FOXP1: variants seen among roughly 807,000 people sequenced by gnomAD.
FOXP1 encodes forkhead box protein P1.
A neutral mutation model predicts 98.2 loss-of-function variants in FOXP1; 15 were observed. The observed-to-expected ratio is 0.15, with a 90% CI of 0.10 to 0.24. The LOEUF (loss-of-function observed/expected upper bound fraction) is 0.24. Ranked by LOEUF, FOXP1 falls within the 10% of genes least tolerant of loss-of-function variation. The pLI, the probability that FOXP1 is intolerant of heterozygous loss-of-function variation, is 1.00. For missense variants in FOXP1, 633 were observed against 848.5 expected (o/e 0.75, Z 3.15); for synonymous variants, 371 against 314.5 (o/e 1.18, Z -1.90).
chr3:71,186,667 G>A (rs1376265080), intron 6 of FOXP1, among the ~76,000 whole-genome samples: 1 of 151,936 alleles, frequency 6.6e-6, no homozygotes, highest in African/African-American at 2.4e-5. Context: ...GCTGAGACAG[G>A]GCCACTGTAC....
At chr3:71,518,886 C>T (rs2042770401) in intron 2 of FOXP1, among the ~76,000 whole-genome samples, 1 of 152,202 alleles carries the variant, frequency 6.6e-6, no homozygotes, top group Admixed American at 6.5e-5. Flanking sequence ...CATCAGAGGA[C>T]ACAATGAGGA....
At chr3:70,979,709 T>TAATC (rs1290529430) in intron 14 of FOXP1, among the ~76,000 whole-genome samples, 2 of 148,886 alleles carry the variant, frequency 1.3e-5, no homozygotes, top group African/African-American at 5.0e-5. Context: ...TCTGAGATCA[T>TAATC]AATCAAAGAA....
intron 7 of FOXP1, among the ~76,000 whole-genome samples, chr3:71,060,460 T>C (rs1264619049): frequency 6.6e-6 from 1 of 152,088 alleles, no homozygotes; most frequent in Non-Finnish European, 1.5e-5. Context: ...GGTCAAAATA[T>C]GTTCAAAAAT....
intron 4 of FOXP1, among the ~76,000 whole-genome samples, chr3:71,348,069 AAC>A (rs2077485665): frequency 6.6e-6 from 1 of 152,178 alleles, no homozygotes; most frequent in Admixed American, 6.5e-5. Context: ...GATAACAAAT[AAC>A]ATAGGACAAT....
intron 2 of FOXP1, among the ~76,000 whole-genome samples, chr3:71,556,222 G>A (rs181219794): frequency 1.4e-4 from 21 of 152,208 alleles, no homozygotes; most frequent in Admixed American, 1.4e-3. Flanking sequence ...CAAAGGGTGT[G>A]AAAAGGACAA....
chr3:71,080,507 T>C (rs1233736191), intron 7 of FOXP1, among the ~76,000 whole-genome samples: 1 of 152,246 alleles, frequency 6.6e-6, no homozygotes, highest in Non-Finnish European at 1.5e-5. Context: ...CGTGACCACA[T>C]CAATAAATGT....
intron 12 of FOXP1, among the ~76,000 whole-genome samples, chr3:71,010,011 C>T (rs746214115): frequency 4.0e-5 from 6 of 151,648 alleles, no homozygotes; most frequent in South Asian, 4.2e-4. Context: ...CCACCTTAGC[C>T]TCCAAATGCA....
intron 4 of FOXP1, among the ~76,000 whole-genome samples, chr3:71,345,371 G>A (rs554074741): frequency 1.3e-5 from 2 of 151,016 alleles, no homozygotes; most frequent in South Asian, 2.1e-4. Context: ...CTCAGTGACA[G>A]AGAGAGAATC....
At chr3:71,038,947 T>C (rs1354479584) in intron 11 of FOXP1, among the ~76,000 whole-genome samples, 1 of 152,192 alleles carries the variant, frequency 6.6e-6, no homozygotes, top group Admixed American at 6.5e-5. Flanking sequence ...ATTACAGGCA[T>C]GAACCACTGT....
intron 3 of FOXP1, among the ~76,000 whole-genome samples, chr3:71,474,329 A>G (rs2089626692): frequency 6.6e-6 from 1 of 152,342 alleles, no homozygotes. Context: ...GAAAAGAACA[A>G]GAAGGTTTTT....
chr3:71,236,224 G>A (rs1435759026), intron 5 of FOXP1, among the ~76,000 whole-genome samples: 2 of 152,178 alleles, frequency 1.3e-5, no homozygotes, highest in East Asian at 3.8e-4. Flanking sequence ...TAGTGGGGTA[G>A]GTGCTATATT....
chr3:71,338,098 C>T (rs1286070929), intron 4 of FOXP1, among the ~76,000 whole-genome samples: 2 of 152,138 alleles, frequency 1.3e-5, no homozygotes, highest in East Asian at 3.9e-4. Flanking sequence ...ATGGCTTATG[C>T]TCTCATAAAA....
intron 11 of FOXP1, among the ~76,000 whole-genome samples, chr3:71,029,388 C>A (rs1419829428): frequency 1.3e-5 from 2 of 151,866 alleles, no homozygotes; most frequent in African/African-American, 4.8e-5. Flanking sequence ...TCCACTAGTG[C>A]TCTTTTTTTT....
At chr3:71,570,554 A>C (rs1398541775) in intron 2 of FOXP1, 1 of 152,158 alleles carries the variant, frequency 6.6e-6, no homozygotes, top group African/African-American at 2.4e-5. Context: ...CTCTGTGACC[A>C]CTCATGATCT....
intron 4 of FOXP1, among the ~76,000 whole-genome samples, chr3:71,317,594 A>G (rs1241225706): frequency 6.6e-6 from 1 of 152,238 alleles, no homozygotes; most frequent in Non-Finnish European, 1.5e-5. Context: ...GACTTAGTAC[A>G]GTATGCCTGA....
intron 2 of FOXP1, among the ~76,000 whole-genome samples, chr3:71,537,442 T>C (rs558346378): frequency 5.3e-5 from 8 of 152,196 alleles, no homozygotes; most frequent in Admixed American, 5.2e-4. Context: ...CATTCCAGAA[T>C]GAATGGAAGA....
At chr3:71,115,648 A>G (rs1031968192) in intron 6 of FOXP1, among the ~76,000 whole-genome samples, 23 of 151,860 alleles carry the variant, frequency 1.5e-4, no homozygotes, top group African/African-American at 5.1e-4. Context: ...CAATTTTTAA[A>G]TAGTCAAGTC....
chr3:71,356,940 G>A (rs2078203939), intron 4 of FOXP1, among the ~76,000 whole-genome samples: 1 of 152,124 alleles, frequency 6.6e-6, no homozygotes, highest in Non-Finnish European at 1.5e-5. Context: ...CAAGAATCAT[G>A]TACAGGCCAA....
At chr3:71,099,739 C>T (rs1243690737) in intron 7 of FOXP1, among the ~76,000 whole-genome samples, 2 of 152,114 alleles carry the variant, frequency 1.3e-5, no homozygotes, top group African/African-American at 2.4e-5. Context: ...AGTCAGACAC[C>T]AGAGGCCATG....
Sources: allele counts gnomAD v4.1 joint callset (sites outside exome capture counted in the v4.1 genomes callset), GRCh38; gene constraint gnomAD v4.1.1; transcripts MANE v1.5; gene names NCBI Gene and HGNC (gene_info 2026-07-23, HGNC 2026-07-21).